The following PTPRR variants were observed in gnomAD, a reference collection of about 807,000 sequenced individuals.
The protein encoded by PTPRR is receptor-type tyrosine-protein phosphatase R.
Under a neutral mutation model 77.2 loss-of-function variants are expected in PTPRR, and 38 were observed. The observed-to-expected ratio is 0.49, with a 90% confidence interval of 0.38 to 0.65. PTPRR has a LOEUF of 0.65. Ranked by LOEUF, PTPRR falls within the 30% of genes least tolerant of loss-of-function variation. The pLI is 0.00. For missense variants in PTPRR, 744 were observed against 799.2 expected (o/e 0.93, Z 0.83); for synonymous variants, 299 against 283.1 (o/e 1.06, Z -0.57).
At chr12:70,877,914 G>A (rs1001435193) in intron 2 of PTPRR, among the ~76,000 whole-genome samples, 2 of 152,028 alleles carry the variant, frequency 1.3e-5, no homozygotes, top group African/African-American at 4.8e-5. Flanking sequence ...ATAGATCAAT[G>A]GAACAGAACA....
chr12:70,849,221 A>G (rs1031715234), intron 2 of PTPRR, among the ~76,000 whole-genome samples: 3 of 152,098 alleles, frequency 2.0e-5, no homozygotes, highest in African/African-American at 7.3e-5. Flanking sequence ...ATGGAAGTAG[A>G]TATAAGAGAT....
At chr12:70,856,042 G>C (rs568679650) in intron 2 of PTPRR, among the ~76,000 whole-genome samples, 2 of 151,964 alleles carry the variant, frequency 1.3e-5, no homozygotes, top group South Asian at 4.2e-4. Flanking sequence ...ATCTCTTCAA[G>C]GACTGTTTTA....
chr12:70,809,889 T>A (rs1209390904), intron 2 of PTPRR, among the ~76,000 whole-genome samples: 1 of 152,222 alleles, frequency 6.6e-6, no homozygotes, highest in African/African-American at 2.4e-5. Flanking sequence ...TTTTAGATTT[T>A]AACTTTTCCC....
intron 1 of PTPRR, among the ~76,000 whole-genome samples, chr12:70,919,673 G>GTTTTTTTTTTTTTTTTTT (rs58439089): frequency 9.1e-6 from 1 of 110,084 alleles, no homozygotes; most frequent in South Asian, 2.9e-4. Context: ...AACTGTAATT[G>GTTTTTTTTTTTTTTTTTT]TTTTTTTTTT....
intron 2 of PTPRR, among the ~76,000 whole-genome samples, chr12:70,772,880 T>A (rs1891009976): frequency 6.6e-6 from 1 of 152,178 alleles, no homozygotes; most frequent in African/African-American, 2.4e-5. Context: ...TTATTTTTTT[T>A]TAAGCTTAAA....
At chr12:70,678,898 T>C (rs183363040) in intron 10 of PTPRR, among the ~76,000 whole-genome samples, 1 of 152,254 alleles carries the variant, frequency 6.6e-6, no homozygotes, top group Admixed American at 6.5e-5. Context: ...GCCAGGCTGG[T>C]CTCGAACTCC....
chr12:70,907,318 A>C (rs1893637044), intron 1 of PTPRR, among the ~76,000 whole-genome samples: 1 of 152,210 alleles, frequency 6.6e-6, no homozygotes, highest in African/African-American at 2.4e-5. Context: ...ATCACCTTGT[A>C]AAGTTTCCTC....
chr12:70,658,883 G>GTTTTTTT lies in PTPRR; in HGVS notation c.1766+2050_1766+2056dup, dbSNP rs746595856. 1.4e-3 allele frequency among the ~76,000 whole-genome samples: 53 copies of GTTTTTTT among 36,934 alleles called. 5 individuals carry two copies. The highest frequency in any genetic ancestry group is 2.5e-3 in the South Asian group (2 of 806). 24.2% of individuals were successfully genotyped at this position (36,934 alleles called of 152,430 possible). On this transcript the variant is annotated intron_variant, in intron 12 of 13. Transcript: ENST00000283228. ...TTCAACGTTAGGGACTTTTGCTCTAGTTTTTTTTTTTTTTTTTTTTTTTTT... is the reference window on the plus strand; with the variant it reads ...TTCAACGTTAGGGACTTTTGCTCTAGTTTTTTTTTTTTTTTTTTTTTTTTTTTTTTTT...
At chr12:70,880,379 C>T (rs928854236) in intron 2 of PTPRR, among the ~76,000 whole-genome samples, 2 of 152,080 alleles carry the variant, frequency 1.3e-5, no homozygotes, top group Non-Finnish European at 2.9e-5. Context: ...CATAGTTATT[C>T]TTCTACCACA....
At chr12:70,711,720 A>G (rs1888835741) in intron 6 of PTPRR, among the ~76,000 whole-genome samples, 1 of 152,132 alleles carries the variant, frequency 6.6e-6, no homozygotes. Context: ...GAAAATTTTT[A>G]CATTTATGCC....
intron 1 of PTPRR, among the ~76,000 whole-genome samples, chr12:70,919,344 T>C (rs889391327): frequency 6.6e-6 from 1 of 152,222 alleles, no homozygotes; most frequent in Non-Finnish European, 1.5e-5. Flanking sequence ...GACTACTGCA[T>C]GGACAACTGC....
intron 10 of PTPRR, among the ~76,000 whole-genome samples, chr12:70,677,555 T>C (rs1887493904): frequency 6.6e-6 from 1 of 152,210 alleles, no homozygotes; most frequent in African/African-American, 2.4e-5. Flanking sequence ...TTGTCATATA[T>C]GGACTTTTTA....
At chr12:70,696,452 G>C (rs1314194451) in intron 8 of PTPRR, among the ~76,000 whole-genome samples, 1 of 152,024 alleles carries the variant, frequency 6.6e-6, no homozygotes, top group Non-Finnish European at 1.5e-5. Context: ...AGTGGATCCT[G>C]GTTTCATCTG....
intron 2 of PTPRR, among the ~76,000 whole-genome samples, chr12:70,781,410 G>C (rs1263794330): frequency 6.6e-6 from 1 of 152,140 alleles, no homozygotes; most frequent in African/African-American, 2.4e-5. Flanking sequence ...AACAGAAAAA[G>C]GCTGTTTGAT....
Position 70,755,818 on chromosome 12 carries a change from G to A in PTPRR, c.628-1517C>T, listed in dbSNP as rs1043662725. Among the ~76,000 whole-genome samples, 5 of 152,142 alleles carry A rather than the reference G, an allele frequency of 3.3e-5. No homozygotes were observed. In the East Asian group the frequency reaches 7.7e-4, roughly 24 times the overall value. ...CTGCAAAACAACTTTGGGTTCAAGC[G>A]ACAAATTTTCTTTCACCTCTTTGAC... On this transcript the variant is annotated intron_variant, in intron 4 of 13. Coordinates refer to ENST00000283228, the MANE Select transcript of PTPRR (RefSeq NM_002849.4).
intron 1 of PTPRR, among the ~76,000 whole-genome samples, chr12:70,899,266 A>G (rs557400027): frequency 6.7e-6 from 1 of 150,276 alleles, no homozygotes; most frequent in Non-Finnish European, 1.5e-5. Context: ...AGACAATCCT[A>G]AAAAAAAACA....
chr12:70,862,618 T>A (rs1246617035), intron 2 of PTPRR, among the ~76,000 whole-genome samples: 1 of 148,714 alleles, frequency 6.7e-6, no homozygotes, highest in African/African-American at 2.5e-5. Context: ...GAGGGATAGC[T>A]TTAGGAGATG....
intron 6 of PTPRR, among the ~76,000 whole-genome samples, chr12:70,728,035 G>A (rs1296994288): frequency 6.7e-6 from 1 of 148,174 alleles, no homozygotes; most frequent in Non-Finnish European, 1.5e-5. Flanking sequence ...TCTTCCCTAA[G>A]GCCCCATAGA....
At chr12:70,851,890 T>C (rs1012592983) in intron 2 of PTPRR, among the ~76,000 whole-genome samples, 3 of 152,230 alleles carry the variant, frequency 2.0e-5, no homozygotes, top group Non-Finnish European at 4.4e-5. Context: ...TTTTCATACA[T>C]TAACAATTTC....
Sources: gnomAD v4.1 joint callset for allele counts (sites outside exome capture counted in the v4.1 genomes callset) on GRCh38, gnomAD v4.1.1 for gene constraint, MANE v1.5 for transcripts, NCBI Gene and HGNC (gene_info 2026-07-23, HGNC 2026-07-21) for gene names.